Variants in PRKN observed in about 807,000 individuals in gnomAD.
PRKN encodes the protein parkin RBR E3 ubiquitin protein ligase.
Under a neutral mutation model 59.5 loss-of-function variants are expected in PRKN, and 56 were observed. That is an observed-to-expected ratio of 0.94 (90% CI 0.76 to 1.18). The LOEUF (loss-of-function observed/expected upper bound fraction) is 1.18, where lower values mean the gene tolerates loss of function less well. Among genes scored for constraint, PRKN ranks in the 50% most tolerant of loss-of-function variants. PRKN has a pLI of 0.00. For missense variants in PRKN, 657 were observed against 596.4 expected (o/e 1.10, Z -1.06); for synonymous variants, 250 against 222.1 (o/e 1.13, Z -1.12).
intron 5 of PRKN, among the ~76,000 whole-genome samples, chr6:162,019,114 G>T (rs988866366): frequency 1.3e-5 from 2 of 152,100 alleles, no homozygotes; most frequent in African/African-American, 4.8e-5. Context: ...TCTACTATCA[G>T]AATGAAACAC....
Position 161,529,677 on chromosome 6 carries a change from A to T in PRKN, c.1083+19177T>A, listed in dbSNP as rs995271347. Among the ~76,000 whole-genome samples, 8 of 152,352 alleles carry T rather than the reference A, an allele frequency of 5.3e-5. No individual in the cohort carries two copies. The East Asian group carries it at 1.5e-3, about 29-fold the overall frequency. On this transcript the variant is annotated intron_variant, in intron 9 of 11. Coordinates refer to ENST00000366898, the MANE Select transcript of PRKN (RefSeq NM_004562.3). The surrounding 1 kb of genome is among the most constrained non-coding windows in gnomAD (Gnocchi z 4.4). ...TGTTTTGGAAGAAGCTGTCCTACATATAAGTTGTCTTCTGCAAAATAAGAC... is the reference window on the plus strand; with the variant it reads ...TGTTTTGGAAGAAGCTGTCCTACATTTAAGTTGTCTTCTGCAAAATAAGAC...
chr6:162,050,011 TG>T (rs1777568340), intron 5 of PRKN, among the ~76,000 whole-genome samples: 1 of 152,188 alleles, frequency 6.6e-6, no homozygotes, highest in South Asian at 2.1e-4. Context: ...TTTGAATCCG[TG>T]TTACTAAGAT....
At chr6:162,132,506 C>T (rs1423181960) in intron 4 of PRKN, among the ~76,000 whole-genome samples, 1 of 152,074 alleles carries the variant, frequency 6.6e-6, no homozygotes, top group African/African-American at 2.4e-5. Context: ...ACACGATGGA[C>T]ATAATAACTA....
rs1186246008 is a variant in PRKN at position 161,413,243 on chromosome 6, G to A, written c.1084-26366C>T. Among the ~76,000 whole-genome samples the A allele has an allele frequency of 1.3e-5, 2 of 152,114 alleles. No individual in the cohort carries two copies. The highest frequency in any genetic ancestry group is 2.9e-5 in the Non-Finnish European group (2 of 68,026). On this transcript the variant is annotated intron_variant, in intron 9 of 11. Coordinates refer to ENST00000366898, the MANE Select transcript of PRKN (RefSeq NM_004562.3). The surrounding 1 kb of genome is among the most constrained non-coding windows in gnomAD (Gnocchi z 4.4). ...TGTCTCCCGGACACTGGCCTCCAGG[G>A]CACGGTCTGGAGGGTCTGTAAGACT...
chr6:161,895,974 T>C (rs537352610), intron 6 of PRKN, among the ~76,000 whole-genome samples: 4 of 152,058 alleles, frequency 2.6e-5, no homozygotes, highest in African/African-American at 9.6e-5. Context: ...TGGTGGGAAG[T>C]GAACAAGTAA....
intron 1 of PRKN, among the ~76,000 whole-genome samples, chr6:162,577,510 G>A (rs887836325): frequency 1.3e-5 from 2 of 152,108 alleles, no homozygotes; most frequent in South Asian, 4.1e-4. Flanking sequence ...TGAGGCAGGA[G>A]AATTGCTTGA....
chr6:162,207,951 A>G (rs1412880657), intron 3 of PRKN, among the ~76,000 whole-genome samples: 1 of 152,290 alleles, frequency 6.6e-6, no homozygotes, highest in South Asian at 2.1e-4. Context: ...ATCATTCAAT[A>G]TCTAGAACAT....
intron 6 of PRKN, among the ~76,000 whole-genome samples, chr6:161,952,171 C>A (rs899715249): frequency 2.0e-5 from 3 of 151,950 alleles, no homozygotes; most frequent in Non-Finnish European, 4.4e-5. Flanking sequence ...ATTGAGGGTG[C>A]CACCCTCTGT....
intron 1 of PRKN, among the ~76,000 whole-genome samples, chr6:162,473,234 C>T (rs1180223955): frequency 6.6e-6 from 1 of 152,110 alleles, no homozygotes; most frequent in Non-Finnish European, 1.5e-5. Flanking sequence ...ATGGAAGCAC[C>T]ATGATGTGAA....
intron 1 of PRKN, among the ~76,000 whole-genome samples, chr6:162,548,460 G>C (rs1284207194): frequency 2.0e-5 from 3 of 151,926 alleles, no homozygotes; most frequent in African/African-American, 7.3e-5. Context: ...CAAACGCAAA[G>C]ATCAGTCTTA....
At chr6:162,560,091 C>CA (rs969456154) in intron 1 of PRKN, among the ~76,000 whole-genome samples, 10 of 152,108 alleles carry the variant, frequency 6.6e-5, no homozygotes, top group Admixed American at 6.6e-4. Context: ...AGGGGATAAA[C>CA]ATAACTTATC....
chr6:162,377,420 G>A (rs1254401031), intron 2 of PRKN, among the ~76,000 whole-genome samples: 1 of 152,198 alleles, frequency 6.6e-6, no homozygotes, highest in Non-Finnish European at 1.5e-5. Context: ...AACCCCAGAG[G>A]CAGATATTCT....
chr6:162,010,050 A>AAC (rs1782428046), intron 5 of PRKN, among the ~76,000 whole-genome samples: 1 of 151,288 alleles, frequency 6.6e-6, no homozygotes, highest in Non-Finnish European at 1.5e-5. Context: ...TAATGAAACA[A>AAC]ACAACAATCT....
At chr6:161,810,715 T>G (rs1438855274) in intron 6 of PRKN, among the ~76,000 whole-genome samples, 1 of 152,218 alleles carries the variant, frequency 6.6e-6, no homozygotes, top group Non-Finnish European at 1.5e-5. Flanking sequence ...TTACTTCTTA[T>G]TAGACAAGTA....
At chr6:161,775,012 A>G (rs1171495507) in intron 7 of PRKN, among the ~76,000 whole-genome samples, 1 of 152,020 alleles carries the variant, frequency 6.6e-6, no homozygotes, top group Non-Finnish European at 1.5e-5. Context: ...CACAGTGGCA[A>G]TTATAATTAT....
intron 6 of PRKN, among the ~76,000 whole-genome samples, chr6:161,950,136 T>C (rs1396835499): frequency 6.6e-6 from 1 of 152,170 alleles, no homozygotes; most frequent in African/African-American, 2.4e-5. Flanking sequence ...TTTTAAGAAG[T>C]GCAACTATCT....
At chr6:162,252,397 T>C (rs915605947) in intron 3 of PRKN, among the ~76,000 whole-genome samples, 1 of 152,242 alleles carries the variant, frequency 6.6e-6, no homozygotes, top group Non-Finnish European at 1.5e-5. Context: ...TTAAGTCATC[T>C]GTCTGTCTCT....
chr6:161,624,681 C>T (rs570808121), intron 7 of PRKN, among the ~76,000 whole-genome samples: 2 of 152,216 alleles, frequency 1.3e-5, no homozygotes, highest in Non-Finnish European at 2.9e-5. Flanking sequence ...GACTTTGAGA[C>T]CTTGGGAAAT....
intron 1 of PRKN, among the ~76,000 whole-genome samples, chr6:162,481,012 C>CA (rs1792284829): frequency 1.3e-5 from 2 of 151,730 alleles, no homozygotes; most frequent in African/African-American, 4.8e-5. Context: ...TTAGTAAAGA[C>CA]AGAGTTTTGC....
Sources: gnomAD v4.1 joint callset for allele counts (sites outside exome capture counted in the v4.1 genomes callset) on GRCh38, gnomAD v4.1.1 for gene constraint, Gnocchi (gnomAD v3.1) non-coding constraint, MANE v1.5 for transcripts, NCBI Gene and HGNC (gene_info 2026-07-23, HGNC 2026-07-21) for gene names.